DBNDD2: variants seen among roughly 807,000 people sequenced by gnomAD.
DBNDD2 encodes the protein dysbindin domain containing 2.
DBNDD2 carries 8 observed loss-of-function variants against 14.0 expected under a neutral mutation model. That is an observed-to-expected ratio of 0.57 (90% CI 0.33 to 1.03). The LOEUF (loss-of-function observed/expected upper bound fraction) is 1.03, where lower values mean the gene tolerates loss of function less well. Ranked by LOEUF, DBNDD2 falls within the 50% of genes least tolerant of loss-of-function variation. DBNDD2 has a pLI of 0.03. For synonymous variants in DBNDD2, 94 were observed against 85.3 expected, an observed-to-expected ratio of 1.10 and a Z score of -0.56; for missense variants, 194 against 206.0, an observed-to-expected ratio of 0.94 and a Z score of 0.36.
upstream of DBNDD2, chr20:45,406,348 CG>C: frequency 8.8e-7 from 1 of 1,135,086 alleles, no homozygotes; most frequent in Non-Finnish European, 1.2e-6. Context: ...CGGGTCTGCG[CG>C]GGGCGGGGGC....
upstream of DBNDD2, chr20:45,406,875 C>CT: frequency 8.9e-7 from 1 of 1,129,034 alleles, no homozygotes; most frequent in Non-Finnish European, 1.1e-6. Context: ...TTTTTTCCCT[C>CT]TTGCTGGCTC....
intron 2 of DBNDD2, chr20:45,409,147 G>A: frequency 1.3e-6 from 1 of 764,172 alleles, no homozygotes; most frequent in East Asian, 2.8e-5. Flanking sequence ...CAAAATTCTG[G>A]GAACGGTCAA....
rs777570975 is a variant in DBNDD2 at position 45,408,393 on chromosome 20, A to C, written c.-75A>C. 2 of 1,613,804 alleles carry C rather than the reference A, an allele frequency of 1.2e-6. No homozygotes were observed. The highest frequency in any genetic ancestry group is 2.7e-5 in the African/African-American group (2 of 75,064). On this transcript the variant is annotated 5_prime_UTR_variant, in exon 1 of 3. Coordinates refer to ENST00000372710, the MANE Select transcript of DBNDD2 (RefSeq NM_001048225.4). ...ATGCTGGCTGCAGTGGGGCGCCCCAAGCCCAGGTCCCCTCTGTCTTCTCTT... is the reference window on the plus strand; with the variant it reads ...ATGCTGGCTGCAGTGGGGCGCCCCACGCCCAGGTCCCCTCTGTCTTCTCTT...
At chr20:45,409,863 TG>T in intron 2 of DBNDD2, 68 bp from the exon 3 acceptor site, 1 of 1,503,686 alleles carries the variant, frequency 6.7e-7, no homozygotes, top group African/African-American at 1.4e-5. Context: ...TAGTTACTCC[TG>T]GCCAGATAAT....
In DBNDD2 at chr20:45,410,238, T is replaced by G; in HGVS notation, c.*98T>G. 7.7e-7 allele frequency: 1 copy of G among 1,297,026 alleles called. No homozygotes were observed. The highest frequency in any genetic ancestry group is 2.1e-5 in the Admixed American group (1 of 48,066). The allele number at this position is 1,297,026 out of a possible 1,614,324, so 80.3% of individuals were successfully genotyped here. On this transcript the variant is annotated 3_prime_UTR_variant, in exon 3 of 3. Transcript: ENST00000372710. ...GTCGGGAGAAGACCAGACTCTTTAC[T>G]TGCAGTAGGCACCAGAGGTGGGAAG...
chr20:45,408,012 TG>T, upstream of DBNDD2: 1 of 1,429,912 alleles, frequency 7.0e-7, no homozygotes, highest in South Asian at 1.6e-5. Flanking sequence ...GCTGCAGCAC[TG>T]GAGGAAGGGA....
upstream of DBNDD2, chr20:45,408,077 G>A (rs1989572662): frequency 2.4e-5 from 36 of 1,471,710 alleles, 2 homozygotes; most frequent in South Asian, 4.9e-4. Context: ...GGCCTTCTGA[G>A]GCAAGCGGGG....
At position 45,410,110 on chromosome 20, in the gene DBNDD2, T is replaced by C. The variant is rs1407722908; in HGVS notation, c.456T>C (p.Asp152=). The C allele has an allele frequency of 1.3e-6, 2 of 1,552,450 alleles. No individual in the cohort carries two copies. The highest frequency in any genetic ancestry group is 1.7e-6 in the Non-Finnish European group (2 of 1,147,390). Reference sequence around the variant, plus strand: ...CGGATGAAGAGGAGGAAAGGGGTGATGGAGGGGCAGAGCCTGGAGCCTGCA... The same window carrying C: ...CGGATGAAGAGGAGGAAAGGGGTGACGGAGGGGCAGAGCCTGGAGCCTGCA... ...AQSDEEEERG[D]GGAEPGACS The change falls in exon 3 of 3, where the codon GAT becomes GAC. Residue 152 remains aspartate (D), a synonymous_variant. Transcript: ENST00000372710.
chr20:45,406,880 T>G, upstream of DBNDD2: 4 of 1,106,024 alleles, frequency 3.6e-6, no homozygotes, highest in Non-Finnish European at 4.5e-6. Flanking sequence ...TCCCTCTTGC[T>G]GGCTCCAGTG....
In DBNDD2 at chr20:45,408,388, C is replaced by T; in HGVS notation, c.-80C>T. The T allele has an allele frequency of 6.2e-7, 1 of 1,613,460 alleles. No individual in the cohort carries two copies. The highest frequency in any genetic ancestry group is 8.5e-7 in the Non-Finnish European group (1 of 1,179,936). ...TTGGGATGCTGGCTGCAGTGGGGCG[C>T]CCCAAGCCCAGGTCCCCTCTGTCTT... On this transcript the variant is annotated 5_prime_UTR_variant, in exon 1 of 3. Transcript: ENST00000372710.
chr20:45,409,127 A>G, intron 2 of DBNDD2, 189 bp downstream of exon 2: 1 of 1,064,484 alleles, frequency 9.4e-7, no homozygotes, highest in Non-Finnish European at 1.3e-6. Context: ...TGGGTTACAC[A>G]TCTCTAATCC....
rs775427994 is a variant in DBNDD2 at position 45,410,018 on chromosome 20, G to A, written c.364G>A (p.Asp122Asn). The A allele has an allele frequency of 9.7e-6, 15 of 1,551,952 alleles. No individual in the cohort carries two copies. The highest frequency in any genetic ancestry group is 4.9e-5 in the East Asian group (2 of 40,964). ...TSRTSSSSSSDSSTNLHSPNP... is the reference protein window; with the variant it reads ...TSRTSSSSSSNSSTNLHSPNP... ...TAGGACCTCCTCCTCCTCCTCCTCC[G>A]ACTCCTCCACCAACCTGCATAGCCC... The change falls in exon 3 of 3, where the codon GAC becomes AAC. Residue 122 changes from aspartate (D) to asparagine (N), a missense_variant. By Grantham distance (23) the Asp-to-Asn change is conservative. Coordinates refer to ENST00000372710, the MANE Select transcript of DBNDD2 (RefSeq NM_001048225.4).
chr20:45,408,199 G>A (rs1012119229), upstream of DBNDD2: 6 of 1,551,012 alleles, frequency 3.9e-6, no homozygotes, highest in African/African-American at 8.2e-5. Flanking sequence ...CCTGAATACA[G>A]AGTATCTCTC....
chr20:45,408,522 C>T lies in DBNDD2; in HGVS notation c.55C>T (p.Arg19Trp). 1 of 1,614,256 alleles carries T rather than the reference C, an allele frequency of 6.2e-7. No individual in the cohort carries two copies. Among genetic ancestry groups the T allele is most frequent in the Non-Finnish European group, 8.5e-7 (1 of 1,180,046 alleles). Residue 19 changes from arginine to tryptophan, a missense_variant, in exon 1 of 3, where the codon CGG becomes TGG. Coordinates refer to ENST00000372710, the MANE Select transcript of DBNDD2 (RefSeq NM_001048225.4). ...GCGCCAGCAGCTCCGCCTTCGGGAG[C>T]GGCAAAAATTCTTCGAGGACATTTT... ...LERQQLRLRERQKFFEDILQP... is the reference protein window; with the variant it reads ...LERQQLRLREWQKFFEDILQP...
upstream of DBNDD2, chr20:45,407,583 C>A (rs1989526342): frequency 3.2e-5 from 32 of 986,798 alleles, no homozygotes; most frequent in Non-Finnish European, 3.9e-5. Flanking sequence ...AGCTTCTCAG[C>A]CCTAGGGGTC....
rs1989756383 is a variant in DBNDD2 at position 45,410,009 on chromosome 20, T to G, written c.355T>G (p.Ser119Ala). 1.9e-6 allele frequency: 3 copies of G among 1,551,820 alleles called. No homozygotes were observed. The highest frequency in any genetic ancestry group is 1.7e-6 in the Non-Finnish European group (2 of 1,147,094). Reference sequence around the variant, plus strand: ...GACCACATCTAGGACCTCCTCCTCCTCCTCCTCCGACTCCTCCACCAACCT... The same window carrying G: ...GACCACATCTAGGACCTCCTCCTCCGCCTCCTCCGACTCCTCCACCAACCT... ...DRTTSRTSSS[S>A]SSDSSTNLHS... The change falls in exon 3 of 3, where the codon TCC (serine) becomes GCC (alanine). Residue 119 changes from serine to alanine, a missense_variant. Ser to Ala is a moderately conservative substitution (Grantham distance 99). Transcript: ENST00000372710.
intron 1 of DBNDD2, 53 bp downstream of exon 1, chr20:45,408,659 T>C: frequency 1.9e-6 from 3 of 1,593,836 alleles, no homozygotes; most frequent in Admixed American, 3.4e-5. Flanking sequence ...GAGGATGTCC[T>C]GTGGGTCCTG....
At chr20:45,408,189 C>G, upstream of DBNDD2, 1 of 1,550,806 alleles carries the variant, frequency 6.4e-7, no homozygotes. Flanking sequence ...GGCTGTGTTC[C>G]CTGAATACAG....
intron 2 of DBNDD2, 72 bp downstream of exon 2, chr20:45,409,010 A>G: frequency 6.2e-7 from 1 of 1,613,880 alleles, no homozygotes; most frequent in Non-Finnish European, 8.5e-7. Flanking sequence ...AAACGAGGCT[A>G]CAAGGCTGGG....
Sources: gnomAD v4.1 joint callset for allele counts on GRCh38, gnomAD v4.1.1 for gene constraint, MANE v1.5 for transcripts, NCBI Gene and HGNC (gene_info 2026-07-23, HGNC 2026-07-21) for gene names.